The following ZFYVE1 variants were observed in gnomAD, a reference collection of about 807,000 sequenced individuals.
ZFYVE1 encodes the protein zinc finger FYVE domain-containing protein 1.
Under a neutral mutation model 74.4 loss-of-function variants are expected in ZFYVE1, and 30 were observed. That is an observed-to-expected ratio of 0.40 (90% CI 0.30 to 0.55). ZFYVE1 has a LOEUF of 0.55. ZFYVE1 is among the 20% of genes least tolerant of loss of function. The probability of loss-of-function intolerance (pLI) is 0.42; values close to 1 mark genes in which losing one functional copy is unlikely to be tolerated. For missense variants in ZFYVE1, 703 were observed against 1,011.6 expected (o/e 0.69, Z 4.14); for synonymous variants, 335 against 385.1 (o/e 0.87, Z 1.52).
At position 72,974,203 on chromosome 14, in the gene ZFYVE1, G is replaced by C. The variant is rs1893106786; in HGVS notation, c.1988-10C>G. ...TGTGCCTCGGTAACAGCTGTAGACA[G>C]TAATAAAGGAAATGCTGTCACCTCT... On this transcript the variant is annotated splice_polypyrimidine_tract_variant and intron_variant, in intron 10 of 11. Coordinates refer to ENST00000556143, the MANE Select transcript of ZFYVE1 (RefSeq NM_021260.4). 3 of 1,612,752 alleles carry C rather than the reference G, an allele frequency of 1.9e-6. No individual in the cohort carries two copies. The highest frequency in any genetic ancestry group is 2.2e-5 in the South Asian group (2 of 91,054).
At chr14:72,976,939 T>C (rs1344756306) in intron 8 of ZFYVE1, among the ~76,000 whole-genome samples, 1 of 151,930 alleles carries the variant, frequency 6.6e-6, no homozygotes, top group Non-Finnish European at 1.5e-5. Context: ...CAGAGTAAAA[T>C]AAGTCCCTCA....
chr14:73,004,176 GAAACA>G (rs944622420), intron 2 of ZFYVE1, among the ~76,000 whole-genome samples: 1 of 152,094 alleles, frequency 6.6e-6, no homozygotes, highest in Non-Finnish European at 1.5e-5. Flanking sequence ...GCCAGCAAGA[GAAACA>G]AAACAAAAGC....
At chr14:72,990,983 C>A (rs1893597263) in intron 4 of ZFYVE1, among the ~76,000 whole-genome samples, 1 of 152,104 alleles carries the variant, frequency 6.6e-6, no homozygotes, top group East Asian at 1.9e-4. Context: ...TGATTACAGG[C>A]ATGAGCCACC....
intron 2 of ZFYVE1, 111 bp downstream of exon 2, chr14:73,023,914 GC>G: frequency 6.9e-7 from 1 of 1,444,406 alleles, no homozygotes; most frequent in Non-Finnish European, 9.3e-7. Context: ...CAGAGGTCTT[GC>G]CTTTTAATGA....
intron 2 of ZFYVE1, among the ~76,000 whole-genome samples, chr14:73,022,724 A>T (rs1894342493): frequency 6.6e-6 from 1 of 152,192 alleles, no homozygotes; most frequent in South Asian, 2.1e-4. Context: ...TTCATTCAAA[A>T]GTATAAACAT....
intron 2 of ZFYVE1, 29 bp downstream of exon 2, chr14:73,023,997 C>A: frequency 6.2e-7 from 1 of 1,602,782 alleles, no homozygotes; most frequent in Non-Finnish European, 8.5e-7. Flanking sequence ...CTCCACTACA[C>A]ATGAATCCCA....
chr14:72,970,819 G>A lies in ZFYVE1; in HGVS notation c.*63C>T, dbSNP rs1342382258. 3.9e-6 allele frequency: 6 copies of A among 1,552,030 alleles called. No individual in the cohort carries two copies. Among genetic ancestry groups the A allele is most frequent in the Non-Finnish European group, 4.4e-6 (5 of 1,137,306 alleles). ...GGTGACTGGGAGGAGGGCCTACCTC[G>A]CAAGACTGTTTCTAACCCTGAGAAC... On this transcript the variant is annotated 3_prime_UTR_variant, in exon 12 of 12. Coordinates refer to ENST00000556143, the MANE Select transcript of ZFYVE1 (RefSeq NM_021260.4).
chr14:72,999,150 C>T (rs543756290), intron 2 of ZFYVE1, among the ~76,000 whole-genome samples: 3 of 152,000 alleles, frequency 2.0e-5, no homozygotes, highest in South Asian at 4.2e-4. Flanking sequence ...AAAATGAGGC[C>T]GGGTGCGGTG....
intron 4 of ZFYVE1, among the ~76,000 whole-genome samples, chr14:72,992,233 A>T (rs544762908): frequency 6.6e-6 from 1 of 152,268 alleles, no homozygotes; most frequent in East Asian, 1.9e-4. Context: ...TAAAGAAAGA[A>T]AAAACAGGAC....
Position 72,970,564 on chromosome 14 carries a change from C to T in ZFYVE1, c.*318G>A, listed in dbSNP as rs979976940. The T allele has an allele frequency of 1.6e-5, 5 of 314,184 alleles. No homozygotes were observed. The highest frequency in any genetic ancestry group is 4.2e-5 in the African/African-American group (2 of 47,374). 19.5% of individuals were successfully genotyped at this position (314,184 alleles called of 1,614,324 possible). On this transcript the variant is annotated 3_prime_UTR_variant, in exon 12 of 12. Transcript: ENST00000556143. ...AAGTCTTCACAGCCAGCAGCAGCCT[C>T]GATACGCCCCGAGTGCCTTTCATAT...
intron 4 of ZFYVE1, among the ~76,000 whole-genome samples, chr14:72,983,049 T>TAA (rs1893378923): frequency 2.0e-5 from 3 of 152,268 alleles, no homozygotes; most frequent in African/African-American, 7.2e-5. Context: ...TTCACCATTT[T>TAA]GGCCAGGCTG....
chr14:72,987,187 A>G (rs890434983), intron 4 of ZFYVE1, among the ~76,000 whole-genome samples: 5 of 152,186 alleles, frequency 3.3e-5, no homozygotes, highest in African/African-American at 4.8e-5. Flanking sequence ...ACAAAACATA[A>G]CTTTATAAAT....
intron 2 of ZFYVE1, among the ~76,000 whole-genome samples, chr14:73,020,333 C>A (rs989486423): frequency 6.6e-6 from 1 of 150,606 alleles, no homozygotes; most frequent in Non-Finnish European, 1.5e-5. Context: ...GCATGCAGTT[C>A]ACTGTTTTTT....
chr14:72,986,849 C>T (rs1451817767), intron 4 of ZFYVE1: 6 of 982,476 alleles, frequency 6.1e-6, no homozygotes, highest in African/African-American at 5.3e-5. Context: ...CTTTACATAC[C>T]ACCTGATCCA....
intron 4 of ZFYVE1, among the ~76,000 whole-genome samples, chr14:72,992,633 AAG>A (rs928702904): frequency 3.2e-5 from 3 of 94,150 alleles, no homozygotes; most frequent in Non-Finnish European, 2.2e-5. Flanking sequence ...CGCCCCTTGC[AAG>A]AGAGAGAGAG....
intron 5 of ZFYVE1, among the ~76,000 whole-genome samples, chr14:72,981,166 A>G (rs1329119959): frequency 6.6e-6 from 1 of 152,196 alleles, no homozygotes; most frequent in Non-Finnish European, 1.5e-5. Flanking sequence ...TCCCAACTCA[A>G]TGTCCTCAGC....
chr14:72,973,259 C>T (rs1304038233), intron 11 of ZFYVE1, among the ~76,000 whole-genome samples: 1 of 151,870 alleles, frequency 6.6e-6, no homozygotes, highest in Non-Finnish European at 1.5e-5. Context: ...GAGGCCAAGG[C>T]CGGTGGATCA....
intron 3 of ZFYVE1, among the ~76,000 whole-genome samples, chr14:72,994,497 C>A (rs1043417439): frequency 6.6e-6 from 1 of 151,988 alleles, no homozygotes; most frequent in Non-Finnish European, 1.5e-5. Context: ...GCATTGAGTA[C>A]GCAGGGGCAT....
chr14:72,978,805 A>G, intron 6 of ZFYVE1, 56 bp downstream of exon 6: 1 of 1,468,436 alleles, frequency 6.8e-7, no homozygotes, highest in East Asian at 2.3e-5. Flanking sequence ...GTCTTGCCAA[A>G]GAGAGAGTGG....
Sources: allele counts gnomAD v4.1 joint callset (sites outside exome capture counted in the v4.1 genomes callset), GRCh38; gene constraint gnomAD v4.1.1; transcripts MANE v1.5; gene names NCBI Gene and HGNC (gene_info 2026-07-23, HGNC 2026-07-21).